CYB5R4: variants seen among roughly 807,000 people sequenced by gnomAD.
CYB5R4 encodes the protein N-terminal cytochrome b5 and cytochrome b5 oxidoreductase domain-containing protein.
In CYB5R4, 55 loss-of-function variants were observed where a neutral mutation model predicts 70.2. That is an observed-to-expected ratio of 0.78 (90% confidence interval 0.63 to 0.98). The LOEUF (loss-of-function observed/expected upper bound fraction) is 0.98. Among genes scored for constraint, CYB5R4 ranks in the 50% least tolerant of loss-of-function variants. CYB5R4 has a pLI of 0.00. For missense variants in CYB5R4, 562 were observed against 612.6 expected (o/e 0.92, Z 0.87); for synonymous variants, 197 against 199.5 (o/e 0.99, Z 0.11).
In CYB5R4 at chr6:83,921,195, T is replaced by C; in HGVS notation, c.658+20T>C. ...ATATTGGTGAGTACTTTATTATTAT[T>C]AATGGAAAGAGCTCTGGTTTTCTTT... On this transcript the variant is annotated intron_variant, in intron 8 of 15. Coordinates refer to ENST00000369681, the MANE Select transcript of CYB5R4 (RefSeq NM_016230.4). 1 of 1,458,392 alleles carries C rather than the reference T, an allele frequency of 6.9e-7. No individual in the cohort carries two copies. 90.3% of individuals were successfully genotyped at this position (1,458,392 alleles called of 1,614,324 possible).
intron 3 of CYB5R4, among the ~76,000 whole-genome samples, chr6:83,907,047 T>C (rs2099463881): frequency 6.6e-6 from 1 of 152,182 alleles, no homozygotes; most frequent in Admixed American, 6.5e-5. Flanking sequence ...TCAGGTAAAT[T>C]CCTAAATATG....
At chr6:83,940,429 C>A in intron 13 of CYB5R4, 86 bp from the exon 14 acceptor site, 1 of 1,294,204 alleles carries the variant, frequency 7.7e-7, no homozygotes, top group Non-Finnish European at 1.0e-6. Flanking sequence ...CTAAAACATT[C>A]ACACTGGTTC....
intron 10 of CYB5R4, among the ~76,000 whole-genome samples, chr6:83,930,544 C>A (rs961246162): frequency 6.6e-6 from 1 of 152,136 alleles, no homozygotes; most frequent in African/African-American, 2.4e-5. Flanking sequence ...GCAATTCAGT[C>A]AAATCTTCAG....
At position 83,961,262 on chromosome 6, in the gene CYB5R4, G is replaced by C. The variant is rs1046303304; in HGVS notation, c.*1384G>C. The C allele has an allele frequency of 6.6e-6, 1 of 152,128 alleles. No homozygotes were observed. The highest frequency in any genetic ancestry group is 1.9e-4 in the East Asian group (1 of 5,190). 9.4% of individuals were successfully genotyped at this position (152,128 alleles called of 1,614,324 possible). A position where few individuals can be genotyped will look rare whatever the true frequency, so the allele number is the denominator to read the frequency against. On this transcript the variant is annotated 3_prime_UTR_variant, in exon 16 of 16. Transcript: ENST00000369681. Reference sequence around the variant, plus strand: ...ACAGGAATCTAGCTGTCCTGGACTGGTACTGTTCCCTGGTAGGTAACAAGA... The same window carrying C: ...ACAGGAATCTAGCTGTCCTGGACTGCTACTGTTCCCTGGTAGGTAACAAGA...
intron 3 of CYB5R4, among the ~76,000 whole-genome samples, chr6:83,901,954 T>C (rs1456539074): frequency 2.0e-5 from 3 of 152,156 alleles, no homozygotes; most frequent in Non-Finnish European, 4.4e-5. Context: ...GTGCAGATAT[T>C]TTCTCCCATT....
intron 14 of CYB5R4, among the ~76,000 whole-genome samples, chr6:83,948,258 C>CT (rs912576970): frequency 1.4e-3 from 217 of 152,272 alleles, no homozygotes; most frequent in African/African-American, 5.0e-3. Context: ...TCTCAGCAAA[C>CT]TAACACAGAA....
chr6:83,925,907 C>G (rs1201604130), intron 10 of CYB5R4, among the ~76,000 whole-genome samples: 3 of 152,120 alleles, frequency 2.0e-5, no homozygotes, highest in East Asian at 3.8e-4. Flanking sequence ...TTGAGTTACT[C>G]ATTTCTACTC....
chr6:83,942,235 C>T (rs544570537), intron 14 of CYB5R4, among the ~76,000 whole-genome samples: 173 of 152,300 alleles, frequency 1.1e-3, no homozygotes, highest in African/African-American at 3.6e-3. Flanking sequence ...GAGACCAACA[C>T]GGAAGGCCGG....
chr6:83,898,354 T>C (rs1015814879), intron 3 of CYB5R4, among the ~76,000 whole-genome samples: 7 of 152,148 alleles, frequency 4.6e-5, no homozygotes, highest in African/African-American at 1.7e-4. Flanking sequence ...CCATGCTGTT[T>C]TGGTTACTGT....
intron 6 of CYB5R4, 92 bp from the exon 7 acceptor site, chr6:83,919,305 C>A: frequency 1.4e-6 from 1 of 699,290 alleles, no homozygotes; most frequent in Non-Finnish European, 2.3e-6. Context: ...ACAGATATGT[C>A]TCATTATAAA....
At chr6:83,904,446 C>T (rs1032854242) in intron 3 of CYB5R4, among the ~76,000 whole-genome samples, 1 of 151,828 alleles carries the variant, frequency 6.6e-6, no homozygotes, top group African/African-American at 2.4e-5. Context: ...GTTTTGTAGC[C>T]TAACATATGT....
chr6:83,923,882 AG>A (rs1175399742), intron 9 of CYB5R4, among the ~76,000 whole-genome samples: 4 of 151,266 alleles, frequency 2.6e-5, no homozygotes, highest in Non-Finnish European at 4.4e-5. Flanking sequence ...TGGCTAACAC[AG>A]TGAAACCCCA....
chr6:83,865,576 G>C (rs918039887), intron 2 of CYB5R4, among the ~76,000 whole-genome samples: 6 of 151,962 alleles, frequency 3.9e-5, no homozygotes, highest in Non-Finnish European at 8.8e-5. Context: ...GCTTGTCTGT[G>C]GTCAGATTTT....
At chr6:83,898,766 G>C (rs987508420) in intron 3 of CYB5R4, among the ~76,000 whole-genome samples, 1 of 152,030 alleles carries the variant, frequency 6.6e-6, no homozygotes, top group Non-Finnish European at 1.5e-5. Context: ...CTCTCTGTTT[G>C]TCTGTTATTG....
chr6:83,959,698 T>C, intron 15 of CYB5R4, 126 bp from the exon 16 acceptor site: 2 of 785,804 alleles, frequency 2.5e-6, no homozygotes, highest in Non-Finnish European at 3.9e-6. Context: ...GTTTTTTTAT[T>C]TAAAAAAAAC....
intron 4 of CYB5R4, among the ~76,000 whole-genome samples, chr6:83,913,135 A>G (rs1357409444): frequency 6.6e-6 from 1 of 152,202 alleles, no homozygotes; most frequent in Non-Finnish European, 1.5e-5. Context: ...GTGAATTTCT[A>G]AGATAAAACA....
intron 10 of CYB5R4, among the ~76,000 whole-genome samples, chr6:83,926,022 C>T (rs575132689): frequency 1.3e-5 from 2 of 152,306 alleles, no homozygotes; most frequent in South Asian, 4.1e-4. Context: ...TTTCTTCTCA[C>T]TGTATAACTT....
At position 83,940,162 on chromosome 6, in the gene CYB5R4, G is replaced by A. The variant is rs2099469531; in HGVS notation, c.1215G>A (p.Met405Ile). The A allele has an allele frequency of 6.2e-7, 1 of 1,610,518 alleles. No homozygotes were observed. The highest frequency in any genetic ancestry group is 8.5e-7 in the Non-Finnish European group (1 of 1,177,732). ...CAGCTGGAACAGGCTTCACACCAATGGTTAAAATACTGAATTATGCTTTGA... is the reference window on the plus strand; with the variant it reads ...CAGCTGGAACAGGCTTCACACCAATAGTTAAAATACTGAATTATGCTTTGA... The part of the protein sequence containing the change: ...LLAAGTGFTP[M>I]VKILNYALTD... The change falls in exon 13 of 16, where the codon ATG becomes ATA. Residue 405 changes from methionine to isoleucine, a missense_variant. Coordinates refer to ENST00000369681, the MANE Select transcript of CYB5R4 (RefSeq NM_016230.4).
In CYB5R4 at chr6:83,876,985, CCA is replaced by C. The variant is rs759555258; in HGVS notation, c.229+12661_229+12662del. ...AGTCTGGGAGTACAGGCGTGTGCTA[CCA>C]CACCTGGCTAATTTTTTATATTTTT... On this transcript the variant is annotated intron_variant, in intron 2 of 15. Coordinates refer to ENST00000369681, the MANE Select transcript of CYB5R4 (RefSeq NM_016230.4). Among the ~76,000 whole-genome samples the C allele has an allele frequency of 1.7e-4, 26 of 152,236 alleles. No homozygotes were observed. The East Asian group carries it at 1.7e-3, about 10-fold the overall frequency.
Sources: allele counts gnomAD v4.1 joint callset (sites outside exome capture counted in the v4.1 genomes callset), GRCh38; gene constraint gnomAD v4.1.1; transcripts MANE v1.5; gene names NCBI Gene and HGNC (gene_info 2026-07-23, HGNC 2026-07-21).